The following ESRRB variants were observed in gnomAD, a reference collection of about 807,000 sequenced individuals.
ESRRB encodes the protein steroid hormone receptor ERR2.
A neutral mutation model predicts 46.0 loss-of-function variants in ESRRB; 16 were observed. The observed-to-expected ratio is 0.35, with a 90% CI of 0.24 to 0.53. ESRRB has a LOEUF of 0.53. ESRRB is among the 20% of genes least tolerant of loss of function. The pLI, the probability that ESRRB is intolerant of heterozygous loss-of-function variation, is 0.93. For missense variants in ESRRB, 488 were observed against 607.4 expected (o/e 0.80, Z 2.07); for synonymous variants, 246 against 259.6 (o/e 0.95, Z 0.50).
At chr14:76,476,536 T>G (rs2140020324) in intron 3 of ESRRB, among the ~76,000 whole-genome samples, 1 of 152,358 alleles carries the variant, frequency 6.6e-6, no homozygotes, top group African/African-American at 2.4e-5. Flanking sequence ...CCAGTTAGTG[T>G]TTGTAAGTCT....
At chr14:76,363,908 A>G (rs1595055256) in intron 1 of ESRRB, among the ~76,000 whole-genome samples, 1 of 152,336 alleles carries the variant, frequency 6.6e-6, no homozygotes, top group Non-Finnish European at 1.5e-5. Context: ...TCTGGCCTTG[A>G]GAATCTTATC....
intron 3 of ESRRB, among the ~76,000 whole-genome samples, chr14:76,473,606 C>T (rs185723963): frequency 6.6e-6 from 1 of 152,336 alleles, no homozygotes; most frequent in African/African-American, 2.4e-5. Flanking sequence ...AAAGTGGCCC[C>T]GCTGCGGCTG....
At chr14:76,349,858 C>A (rs573770048) in intron 1 of ESRRB, among the ~76,000 whole-genome samples, 1 of 152,214 alleles carries the variant, frequency 6.6e-6, no homozygotes, top group African/African-American at 2.4e-5. Flanking sequence ...AGGAAAGAGC[C>A]TTTGCAGCTA....
At position 76,452,215 on chromosome 14, in the gene ESRRB, C is replaced by T. The variant is rs182086275; in HGVS notation, c.461-10330C>T. Among the ~76,000 whole-genome samples the T allele has an allele frequency of 2.8e-4, 42 of 152,128 alleles. No homozygotes were observed. The East Asian group carries it at 7.9e-3, about 29-fold the overall frequency. On this transcript the variant is annotated intron_variant, in intron 2 of 6. Transcript: ENST00000644823. Reference sequence around the variant, plus strand: ...TTGGCCTCCCGAAGTGCTGGGATTACAGGTGTGAGCCATTACATCCGGCCA... The same window carrying T: ...TTGGCCTCCCGAAGTGCTGGGATTATAGGTGTGAGCCATTACATCCGGCCA...
At chr14:76,391,265 T>G (rs905036224) in intron 1 of ESRRB, among the ~76,000 whole-genome samples, 2 of 152,222 alleles carry the variant, frequency 1.3e-5, no homozygotes, top group African/African-American at 4.8e-5. Flanking sequence ...GCAGGTTTCC[T>G]GGGTCCCAGC....
At chr14:76,446,444 T>C (rs1252983789) in intron 2 of ESRRB, among the ~76,000 whole-genome samples, 1 of 151,698 alleles carries the variant, frequency 6.6e-6, no homozygotes, top group East Asian at 1.9e-4. Flanking sequence ...GATGAGCTCA[T>C]AGACAGATGA....
chr14:76,462,104 A>G (rs918489892), intron 2 of ESRRB, among the ~76,000 whole-genome samples: 2 of 152,118 alleles, frequency 1.3e-5, no homozygotes, highest in Non-Finnish European at 2.9e-5. Context: ...GTGGACGCAG[A>G]GTTTCCAGGA....
intron 1 of ESRRB, among the ~76,000 whole-genome samples, chr14:76,435,680 A>C (rs1440486304): frequency 6.6e-6 from 1 of 152,140 alleles, no homozygotes; most frequent in African/African-American, 2.4e-5. Flanking sequence ...AAAATACAAA[A>C]ATTAGTCAGT....
At chr14:76,497,727 G>A (rs1392103849) in intron 6 of ESRRB, among the ~76,000 whole-genome samples, 1 of 152,182 alleles carries the variant, frequency 6.6e-6, no homozygotes, top group Non-Finnish European at 1.5e-5. Context: ...TTGTCATGGT[G>A]ATAGTAGTGA....
At chr14:76,317,638 C>T (rs774659477) in intron 1 of ESRRB, among the ~76,000 whole-genome samples, 1 of 152,114 alleles carries the variant, frequency 6.6e-6, no homozygotes, top group Non-Finnish European at 1.5e-5. Flanking sequence ...GTGTTGGAGA[C>T]CGCTTCCGCC....
intron 1 of ESRRB, among the ~76,000 whole-genome samples, chr14:76,424,778 C>T (rs1887126438): frequency 6.6e-6 from 1 of 152,072 alleles, no homozygotes; most frequent in African/African-American, 2.4e-5. Context: ...ACTCTGTTGC[C>T]CAGACTGGAG....
Position 76,426,879 on chromosome 14 carries a change from C to CA in ESRRB, c.51-12459dup, listed in dbSNP as rs1595106253. 3.9e-5 allele frequency among the ~76,000 whole-genome samples: 6 copies of CA among 152,058 alleles called. No homozygotes were observed. The South Asian group carries it at 1.0e-3, about 26-fold the overall frequency. On this transcript the variant is annotated intron_variant, in intron 1 of 6. Transcript: ENST00000644823. ...GACCATGTCGCTACAAAAAAACAAA[C>CA]AAACAAAAAAATTGTTTAAAGACAA...
At chr14:76,402,790 T>C (rs539331898) in intron 1 of ESRRB, among the ~76,000 whole-genome samples, 1 of 152,306 alleles carries the variant, frequency 6.6e-6, no homozygotes, top group Non-Finnish European at 1.5e-5. Context: ...TGCCTCAGCC[T>C]CCTAAGTAGC....
At chr14:76,322,160 G>A (rs1883875149) in intron 1 of ESRRB, among the ~76,000 whole-genome samples, 2 of 152,180 alleles carry the variant, frequency 1.3e-5, no homozygotes, top group South Asian at 4.2e-4. Flanking sequence ...ACAGACCCAT[G>A]TGAAAGAGAG....
At chr14:76,347,499 G>A (rs890995466) in intron 1 of ESRRB, among the ~76,000 whole-genome samples, 1 of 57,126 alleles carries the variant, frequency 1.8e-5, no homozygotes, top group Non-Finnish European at 3.9e-5. Flanking sequence ...AGAATGGGGG[G>A]CCCAATACTC....
chr14:76,355,165 G>T (rs952544786), intron 1 of ESRRB, among the ~76,000 whole-genome samples: 14 of 152,124 alleles, frequency 9.2e-5, no homozygotes, highest in African/African-American at 3.4e-4. Context: ...GCAGTCTGAA[G>T]CCGGGGCCAG....
At chr14:76,358,326 AGAAAGAAAGAAAG>A (rs1884412840) in intron 1 of ESRRB, among the ~76,000 whole-genome samples, 6 of 34,028 alleles carry the variant, frequency 1.8e-4, no homozygotes, top group Middle Eastern at 0.014. Context: ...AAAAAAAAAA[AGAAAGAAAGAAAG>A]AAAGAAAGAA....
At chr14:76,481,907 C>A in intron 3 of ESRRB, 109 bp from the exon 4 acceptor site, 1 of 976,524 alleles carries the variant, frequency 1.0e-6, no homozygotes, top group Non-Finnish European at 1.6e-6. Flanking sequence ...CGAAGGTCAT[C>A]CGAGCAAGGC....
At chr14:76,391,452 C>T (rs1037519295) in intron 1 of ESRRB, among the ~76,000 whole-genome samples, 4 of 152,270 alleles carry the variant, frequency 2.6e-5, no homozygotes, top group Admixed American at 1.3e-4. Flanking sequence ...GCTGGCAATG[C>T]GTACATCTGC....
Sources: gnomAD v4.1 joint callset for allele counts (sites outside exome capture counted in the v4.1 genomes callset) on GRCh38, gnomAD v4.1.1 for gene constraint, MANE v1.5 for transcripts, NCBI Gene and HGNC (gene_info 2026-07-23, HGNC 2026-07-21) for gene names.